The following PCDH15 variants were observed in gnomAD, a reference collection of about 807,000 sequenced individuals.
The protein encoded by PCDH15 is protocadherin related 15.
In PCDH15, 129 loss-of-function variants were observed where a neutral mutation model predicts 178.5. That is an observed-to-expected ratio of 0.72 (90% confidence interval 0.63 to 0.84). The LOEUF (loss-of-function observed/expected upper bound fraction) is 0.84. Among genes scored for constraint, PCDH15 ranks in the 40% least tolerant of loss-of-function variants. The pLI, the probability that PCDH15 is intolerant of heterozygous loss-of-function variation, is 0.00. For missense variants in PCDH15, 2,230 were observed against 2,099.9 expected (o/e 1.06, Z -1.21); for synonymous variants, 800 against 732.0 (o/e 1.09, Z -1.50).
At chr10:54,074,484 G>T (rs1482156990) in intron 17 of PCDH15, among the ~76,000 whole-genome samples, 1 of 152,082 alleles carries the variant, frequency 6.6e-6, no homozygotes, top group Non-Finnish European at 1.5e-5. Context: ...TTAGCATAAT[G>T]TTCTCAAGAT....
At chr10:54,633,188 C>G (rs764972806) in intron 2 of PCDH15, among the ~76,000 whole-genome samples, 3 of 151,668 alleles carry the variant, frequency 2.0e-5, no homozygotes, top group Non-Finnish European at 4.4e-5. Context: ...AACAGAGTAA[C>G]CTGAAGAAGG....
At chr10:55,442,397 GT>G (rs1218799808) in intron 2 of PCDH15, among the ~76,000 whole-genome samples, 2 of 145,198 alleles carry the variant, frequency 1.4e-5, no homozygotes, top group Non-Finnish European at 3.0e-5. Flanking sequence ...AAAAGGCAAT[GT>G]TTATTTCTGG....
At chr10:54,613,313 T>C (rs141802012) in intron 2 of PCDH15, among the ~76,000 whole-genome samples, 82 of 151,998 alleles carry the variant, frequency 5.4e-4, no homozygotes, top group African/African-American at 1.9e-3. Flanking sequence ...TTGTAGAGAA[T>C]GTGAATGAGG....
intron 1 of PCDH15, among the ~76,000 whole-genome samples, chr10:54,746,605 A>G (rs1310751131): frequency 6.6e-6 from 1 of 152,206 alleles, no homozygotes; most frequent in Non-Finnish European, 1.5e-5. Context: ...CCTATTATGT[A>G]TCCACAAAAA....
chr10:54,719,046 C>T (rs1285994973), intron 1 of PCDH15, among the ~76,000 whole-genome samples: 2 of 150,874 alleles, frequency 1.3e-5, no homozygotes, highest in African/African-American at 2.4e-5. Context: ...TTTGAAATAC[C>T]CCATGAAAAA....
At chr10:53,872,788 ATAAGGAAGCTC>A (rs2079961982) in intron 26 of PCDH15, among the ~76,000 whole-genome samples, 1 of 152,190 alleles carries the variant, frequency 6.6e-6, no homozygotes, top group Admixed American at 6.5e-5. Context: ...TTCTCCAGAG[ATAAGGAAGCTC>A]TAATTCCCAT....
Position 55,545,018 on chromosome 10 carries a change from C to CT in PCDH15, c.-156+82606dup, listed in dbSNP as rs1258368706. On this transcript the variant is annotated intron_variant, in intron 2 of 5. Transcript: ENST00000613346. Reference sequence around the variant, plus strand: ...CAAGAAACACTTTATAGGTAGTATACTTTTTTAAAGTGTATCTTCAAAGAA... The same window carrying CT: ...CAAGAAACACTTTATAGGTAGTATACTTTTTTTAAAGTGTATCTTCAAAGAA... Among the ~76,000 whole-genome samples, 7 of 152,156 alleles carry CT rather than the reference C, an allele frequency of 4.6e-5. No individual in the cohort carries two copies. In the East Asian group the frequency reaches 1.4e-3, roughly 29 times the overall value.
At chr10:55,477,238 A>C (rs1840080740) in intron 2 of PCDH15, among the ~76,000 whole-genome samples, 1 of 151,822 alleles carries the variant, frequency 6.6e-6, no homozygotes, top group South Asian at 2.1e-4. Flanking sequence ...TTGGTTGTAA[A>C]AGAGACATGA....
chr10:54,112,141 C>CAAAA (rs1274423057), intron 15 of PCDH15, among the ~76,000 whole-genome samples: 1 of 150,642 alleles, frequency 6.6e-6, no homozygotes, highest in Non-Finnish European at 1.5e-5. Flanking sequence ...GACTCTGTCT[C>CAAAA]AAAATAAATA....
chr10:55,350,649 C>A (rs996661216), intron 2 of PCDH15, among the ~76,000 whole-genome samples: 1 of 151,972 alleles, frequency 6.6e-6, no homozygotes, highest in African/African-American at 2.4e-5. Flanking sequence ...AAAAAACAAG[C>A]AGGTGCTGAC....
chr10:54,049,530 G>A (rs2093722782), intron 18 of PCDH15, among the ~76,000 whole-genome samples: 1 of 152,060 alleles, frequency 6.6e-6, no homozygotes, highest in African/African-American at 2.4e-5. Context: ...TGATTATTTT[G>A]AAGTATTTTC....
intron 3 of PCDH15, among the ~76,000 whole-genome samples, chr10:54,522,427 A>G (rs182832506): frequency 6.6e-6 from 1 of 152,298 alleles, no homozygotes; most frequent in African/African-American, 2.4e-5. Flanking sequence ...GAGTCTTTGA[A>G]TTTATTCCTC....
intron 23 of PCDH15, among the ~76,000 whole-genome samples, chr10:53,957,153 G>A (rs963405254): frequency 6.6e-6 from 1 of 152,156 alleles, no homozygotes; most frequent in African/African-American, 2.4e-5. Context: ...GGAAGTTTAA[G>A]CAATATATCA....
intron 15 of PCDH15, among the ~76,000 whole-genome samples, chr10:54,106,593 C>T (rs1247428617): frequency 6.6e-6 from 1 of 152,156 alleles, no homozygotes; most frequent in Non-Finnish European, 1.5e-5. Flanking sequence ...CCTCCTGTTA[C>T]TGAAGCCACA....
intron 2 of PCDH15, among the ~76,000 whole-genome samples, chr10:55,051,443 TTAAA>T (rs1252606084): frequency 6.6e-6 from 1 of 152,184 alleles, no homozygotes; most frequent in Non-Finnish European, 1.5e-5. Flanking sequence ...TATTTATTGT[TTAAA>T]TAATTTAATC....
At chr10:54,153,079 A>C in intron 14 of PCDH15, 21 bp downstream of exon 14, 1 of 1,613,392 alleles carries the variant, frequency 6.2e-7, no homozygotes. Flanking sequence ...AAAAGACTGC[A>C]TTGGTTCTAA....
At chr10:55,115,015 A>G (rs184902297) in intron 2 of PCDH15, among the ~76,000 whole-genome samples, 2 of 152,334 alleles carry the variant, frequency 1.3e-5, no homozygotes, top group African/African-American at 4.8e-5. Flanking sequence ...ATGTTAAGTT[A>G]TATCAACAGC....
At chr10:54,027,865 C>A (rs2093159832) in intron 18 of PCDH15, among the ~76,000 whole-genome samples, 1 of 146,204 alleles carries the variant, frequency 6.8e-6, no homozygotes. Flanking sequence ...CATTACCATT[C>A]AGGACATAGG....
In PCDH15 at chr10:54,637,631, G is replaced by A. The variant is rs184101479; in HGVS notation, c.91+26541C>T. On this transcript the variant is annotated intron_variant, in intron 2 of 37. Transcript: ENST00000644397. ...TCTAATTATTGTATTGAGCTTTCCT[G>A]TATATTCCAAAATAATCTTTTCAGG... Among the ~76,000 whole-genome samples the A allele has an allele frequency of 1.6e-3, 240 of 152,056 alleles. 1 individual carries two copies. Among genetic ancestry groups the A allele is most frequent in the African/African-American group, 5.4e-3 (225 of 41,524 alleles).
Sources: gnomAD v4.1 joint callset for allele counts (sites outside exome capture counted in the v4.1 genomes callset) on GRCh38, gnomAD v4.1.1 for gene constraint, MANE v1.5 for transcripts, NCBI Gene and HGNC (gene_info 2026-07-23, HGNC 2026-07-21) for gene names.